Variants in IL16 observed in about 807,000 individuals in gnomAD.
IL16 encodes the protein interleukin 16.
IL16 carries 67 observed loss-of-function variants against 110.1 expected under a neutral mutation model. The ratio of observed to expected loss-of-function variants is 0.61; its 90% CI spans 0.50 to 0.75. IL16 has a LOEUF of 0.75. Ranked by LOEUF, IL16 falls within the 30% of genes least tolerant of loss-of-function variation. The pLI, the probability that IL16 is intolerant of heterozygous loss-of-function variation, is 0.00. For synonymous variants in IL16, 689 were observed against 662.9 expected, an observed-to-expected ratio of 1.04 and a Z score of -0.61; for missense variants, 1,545 against 1,655.0, an observed-to-expected ratio of 0.93 and a Z score of 1.15.
intron 10 of IL16, among the ~76,000 whole-genome samples, 188 bp downstream of exon 10, chr15:81,286,018 G>A (rs1328721820): frequency 6.6e-6 from 1 of 152,218 alleles, no homozygotes; most frequent in Non-Finnish European, 1.5e-5. Flanking sequence ...CTAGATATCA[G>A]AGGCAATTGA....
chr15:81,201,171 GTA>G (rs1895799416), intron 1 of IL16, among the ~76,000 whole-genome samples: 1 of 151,948 alleles, frequency 6.6e-6, no homozygotes, highest in African/African-American at 2.4e-5. Flanking sequence ...GTGTGTGTGT[GTA>G]TGTGTGGTGA....
intron 8 of IL16, among the ~76,000 whole-genome samples, chr15:81,280,539 G>C (rs112874350): frequency 6.6e-6 from 1 of 152,234 alleles, no homozygotes; most frequent in East Asian, 1.9e-4. Context: ...GTTCTTCACG[G>C]AGAATGGCCC....
At chr15:81,248,376 T>C (rs554541743) in intron 2 of IL16, among the ~76,000 whole-genome samples, 7 of 151,936 alleles carry the variant, frequency 4.6e-5, no homozygotes, top group Non-Finnish European at 1.0e-4. Flanking sequence ...GAACTGTTTG[T>C]CTTCTTTTAT....
chr15:81,272,365 T>G (rs984374743), intron 5 of IL16, among the ~76,000 whole-genome samples: 3 of 152,186 alleles, frequency 2.0e-5, no homozygotes, highest in African/African-American at 7.2e-5. Flanking sequence ...TAGACCTCAC[T>G]CAACCTTTCC....
intron 2 of IL16, among the ~76,000 whole-genome samples, chr15:81,258,730 G>GCTCTCTCTCT (rs145587698): frequency 0.14 from 19,945 of 147,624 alleles, 1,535 homozygotes; most frequent in Middle Eastern, 0.2. Context: ...TCGCGCACGC[G>GCTCTCTCTCT]CTCTCTCTCT....
At position 81,196,894 on chromosome 15, in the gene IL16, C is replaced by T. The variant is rs1357792817; in HGVS notation, c.-360C>T. On this transcript the variant is annotated 5_prime_UTR_variant, in exon 1 of 19. Transcript: ENST00000683961. ...CAGGTGGGACACATTTGTCCTGAGT[C>T]ACCTGTCCAGAGCAGGTGGTGAATA... 1.7e-6 allele frequency: 2 copies of T among 1,180,774 alleles called. No individual in the cohort carries two copies. Among genetic ancestry groups the T allele is most frequent in the African/African-American group, 3.2e-5 (2 of 61,930 alleles). The allele number at this position is 1,180,774 out of a possible 1,614,324, so 73.1% of individuals were successfully genotyped here. A position where few individuals can be genotyped will look rare whatever the true frequency, so the allele number is the denominator to read the frequency against.
chr15:81,282,680 T>C lies in IL16; in HGVS notation c.1123T>C (p.Tyr375His). 6.2e-7 allele frequency: 1 copy of C among 1,614,068 alleles called. No homozygotes were observed. The highest frequency in any genetic ancestry group is 8.5e-7 in the Non-Finnish European group (1 of 1,180,036). ...GGGCATCGGCCTGTGCAGCGTTCCC[T>C]ACTTCCAATGCATCTCTGGCATTTT... Reference protein sequence around the residue: ...GLGIGLCSVPYFQCISGIFVH... With the variant: ...GLGIGLCSVPHFQCISGIFVH... The change falls in exon 9 of 19, where the codon TAC (tyrosine) becomes CAC (histidine). Residue 375 changes from tyrosine to histidine, a missense_variant. Coordinates refer to ENST00000683961, the MANE Select transcript of IL16 (RefSeq NM_172217.5).
At chr15:81,200,182 T>C (rs1895759720) in intron 1 of IL16, among the ~76,000 whole-genome samples, 1 of 152,000 alleles carries the variant, frequency 6.6e-6, no homozygotes, top group Non-Finnish European at 1.5e-5. Context: ...ATATTTTATA[T>C]TATTTTTATT....
At chr15:81,227,025 G>T (rs993270579) in intron 2 of IL16, among the ~76,000 whole-genome samples, 1 of 152,062 alleles carries the variant, frequency 6.6e-6, no homozygotes, top group African/African-American at 2.4e-5. Context: ...GCACAGTGGG[G>T]GTCCAGTCTT....
At chr15:81,306,209 T>C in intron 17 of IL16, 43 bp downstream of exon 17, 1 of 1,594,262 alleles carries the variant, frequency 6.3e-7, no homozygotes, top group Non-Finnish European at 8.5e-7. Flanking sequence ...GGCCACATCC[T>C]CTTTGGCCAT....
intron 5 of IL16, among the ~76,000 whole-genome samples, chr15:81,272,733 G>A (rs1898696649): frequency 6.6e-6 from 1 of 152,292 alleles, no homozygotes; most frequent in East Asian, 1.9e-4. Context: ...TAAAAGGAGG[G>A]AAACTGAGGT....
At chr15:81,225,140 G>A (rs1470166115) in intron 1 of IL16, among the ~76,000 whole-genome samples, 159 bp from the exon 2 acceptor site, 1 of 152,158 alleles carries the variant, frequency 6.6e-6, no homozygotes, top group Non-Finnish European at 1.5e-5. Context: ...GCCCCATTTG[G>A]CTGGCACACT....
intron 2 of IL16, among the ~76,000 whole-genome samples, chr15:81,238,028 C>T (rs544669560): frequency 2.6e-5 from 4 of 152,044 alleles, no homozygotes; most frequent in Non-Finnish European, 4.4e-5. Context: ...CTCAGCCTTC[C>T]GAGTAGCTGG....
In IL16 at chr15:81,300,475, A is replaced by G. The variant is rs1010421830; in HGVS notation, c.3149A>G (p.Asn1050Ser). 2.5e-6 allele frequency: 4 copies of G among 1,604,012 alleles called. No individual in the cohort carries two copies. The highest frequency in any genetic ancestry group is 2.7e-5 in the African/African-American group (2 of 74,598). ...GCCTTGGACACAGGGTTCTCGCTCA[A>G]GTGAGTTTCTACACCCGGTGTTTCT... ...TSALDTGFSLNLSELREYTEG... is the reference protein window; with the variant it reads ...TSALDTGFSLSLSELREYTEG... Residue 1050 changes from asparagine (N) to serine (S), a missense_variant and splice_region_variant, in exon 14 of 19, where the codon AAC becomes AGC. Coordinates refer to ENST00000683961, the MANE Select transcript of IL16 (RefSeq NM_172217.5).
upstream of IL16, among the ~76,000 whole-genome samples, chr15:81,193,623 A>G (rs1232441475): frequency 6.6e-6 from 1 of 152,190 alleles, no homozygotes; most frequent in African/African-American, 2.4e-5. Flanking sequence ...GAATTTTCGT[A>G]TGAAGTTAAA....
chr15:81,221,791 G>A (rs1896625373), intron 1 of IL16, among the ~76,000 whole-genome samples: 7 of 152,102 alleles, frequency 4.6e-5, no homozygotes, highest in Admixed American at 3.3e-4. Flanking sequence ...CATCCCATGG[G>A]CCCTGCCATC....
chr15:81,186,263 T>G (rs1566986228), intron 1 of IL16, among the ~76,000 whole-genome samples: 5 of 152,232 alleles, frequency 3.3e-5, no homozygotes, highest in Admixed American at 2.6e-4. Flanking sequence ...TTTATTTTTA[T>G]TTTTTATTTT....
chr15:81,212,034 GCCT>G (rs1896264657), intron 1 of IL16, among the ~76,000 whole-genome samples: 1 of 152,014 alleles, frequency 6.6e-6, no homozygotes, highest in South Asian at 2.1e-4. Flanking sequence ...AGGGAGGAGT[GCCT>G]CCTCCTCAAT....
At chr15:81,259,719 C>A in intron 2 of IL16, 53 bp from the exon 3 acceptor site, 1 of 1,278,538 alleles carries the variant, frequency 7.8e-7, no homozygotes, top group Non-Finnish European at 1.1e-6. Context: ...TTTTGCTAAG[C>A]ACAAGTTTTC....
Sources: gnomAD v4.1 joint callset for allele counts (sites outside exome capture counted in the v4.1 genomes callset) on GRCh38, gnomAD v4.1.1 for gene constraint, MANE v1.5 for transcripts, NCBI Gene and HGNC (gene_info 2026-07-23, HGNC 2026-07-21) for gene names.